The following MILR1 variants were observed in gnomAD, a reference collection of about 807,000 sequenced individuals.
The protein encoded by MILR1 is allergin-1.
A neutral mutation model predicts 18.5 loss-of-function variants in MILR1; 31 were observed. The ratio of observed to expected loss-of-function variants is 1.68; its 90% confidence interval spans 1.26 to 2.26. The LOEUF (loss-of-function observed/expected upper bound fraction) is 2.26. Ranked by LOEUF, MILR1 falls within the 30% of genes most tolerant of loss-of-function variation. The pLI is 0.00. For synonymous variants in MILR1, 85 were observed against 56.2 expected, an observed-to-expected ratio of 1.51 and a Z score of -2.30; for missense variants, 257 against 157.4, an observed-to-expected ratio of 1.63 and a Z score of -3.38.
At chr17:64,452,987 T>A (rs2037208643) in intron 3 of MILR1, 121 bp downstream of exon 3, 1 of 410,962 alleles carries the variant, frequency 2.4e-6, no homozygotes, top group Non-Finnish European at 4.4e-6. Context: ...TACTGCGAGC[T>A]TTATTCTTTT....
intron 2 of MILR1, among the ~76,000 whole-genome samples, chr17:64,449,778 AT>A (rs1219094244): frequency 5.3e-5 from 8 of 152,106 alleles, no homozygotes; most frequent in East Asian, 1.9e-4. Context: ...TCTTAAAAAA[AT>A]AAAACAAAAT....
At chr17:64,468,190 C>A in intron 9 of MILR1, 120 bp from the exon 10 acceptor site, 1 of 454,684 alleles carries the variant, frequency 2.2e-6, no homozygotes, top group Non-Finnish European at 4.4e-6. Flanking sequence ...GAGGACCCTC[C>A]TTGCCTCTTC....
chr17:64,491,542 T>A, the MILR1 span: 1 of 1,548,010 alleles, frequency 6.5e-7, no homozygotes, highest in Non-Finnish European at 8.9e-7. Context: ...GTTGTACCAG[T>A]GAAGGACAAG....
At chr17:64,497,057 C>CGGCGCA in the MILR1 span, 1 of 1,330,960 alleles carries the variant, frequency 7.5e-7, no homozygotes, top group Non-Finnish European at 1.1e-6. Flanking sequence ...GGAGAGGCCA[C>CGGCGCA]GGCGCAGGCG....
the MILR1 span, among the ~76,000 whole-genome samples, chr17:64,489,827 A>G: frequency 5.9e-5 from 9 of 152,292 alleles, no homozygotes; most frequent in African/African-American, 2.2e-4. Flanking sequence ...AGAATCATCA[A>G]TGGATGCTGC....
chr17:64,473,632 T>G (rs552748259), downstream of MILR1, among the ~76,000 whole-genome samples: 1 of 152,296 alleles, frequency 6.6e-6, no homozygotes, highest in African/African-American at 2.4e-5. Flanking sequence ...ACTCCAGACC[T>G]GTTTCCTTAG....
the MILR1 span, chr17:64,477,877 T>C: frequency 6.2e-7 from 1 of 1,613,120 alleles, no homozygotes; most frequent in Non-Finnish European, 8.5e-7. Context: ...TTAATTTGGA[T>C]ATATGCATCA....
chr17:64,497,030 T>C, the MILR1 span: 8 of 1,486,576 alleles, frequency 5.4e-6, no homozygotes, highest in Admixed American at 5.0e-5. Context: ...AAGCCACCAC[T>C]ACCGTTAACA....
At chr17:64,482,095 GC>G in the MILR1 span, among the ~76,000 whole-genome samples, 2 of 136,732 alleles carry the variant, frequency 1.5e-5, no homozygotes, top group Non-Finnish European at 3.1e-5. Context: ...TTTAATTAAA[GC>G]TTTTTTTTTT....
Position 64,460,712 on chromosome 17 carries a change from A to G in MILR1, c.653-110A>G, listed in dbSNP as rs2037412112. 7.0e-6 allele frequency: 3 copies of G among 431,528 alleles called. No individual in the cohort carries two copies. The Admixed American group carries it at 1.0e-4, about 15-fold the overall frequency. 26.7% of individuals were successfully genotyped at this position (431,528 alleles called of 1,614,324 possible). A position where few individuals can be genotyped will look rare whatever the true frequency, so the allele number is the denominator to read the frequency against. Reference sequence around the variant, plus strand: ...CATGACCATTTGGGAACCTGGGTGCATAGTACATTGGTTAACTTGGGAGAC... The same window carrying G: ...CATGACCATTTGGGAACCTGGGTGCGTAGTACATTGGTTAACTTGGGAGAC... On this transcript the variant is annotated intron_variant, in intron 4 of 9. Transcript: ENST00000619286.
chr17:64,481,476 G>C, the MILR1 span: 1 of 877,866 alleles, frequency 1.1e-6, no homozygotes, highest in African/African-American at 1.8e-5. Context: ...ATCCCCCATG[G>C]CCTTTCTTAA....
intron 5 of MILR1, among the ~76,000 whole-genome samples, chr17:64,463,520 T>A (rs1270120348): frequency 2.0e-5 from 3 of 152,152 alleles, no homozygotes; most frequent in African/African-American, 7.2e-5. Context: ...AGTTGTGGAA[T>A]GGGCCATGGA....
the MILR1 span, chr17:64,493,132 T>A: frequency 1.4e-5 from 17 of 1,239,082 alleles, no homozygotes; most frequent in Middle Eastern, 2.0e-4. Flanking sequence ...TAAAGACAGA[T>A]GTTGGCTAAG....
downstream of MILR1, among the ~76,000 whole-genome samples, chr17:64,471,801 A>G (rs1555664644): frequency 1.3e-5 from 2 of 152,258 alleles, no homozygotes; most frequent in Non-Finnish European, 2.9e-5. Flanking sequence ...ACATATTTGT[A>G]TGTGATTGAA....
At chr17:64,452,466 T>C in intron 2 of MILR1, 131 bp from the exon 3 acceptor site, 1 of 399,730 alleles carries the variant, frequency 2.5e-6, no homozygotes, top group Non-Finnish European at 4.5e-6. Flanking sequence ...TTGCCCAGAC[T>C]GGTATCAAAC....
the MILR1 span, among the ~76,000 whole-genome samples, chr17:64,495,609 CA>C: frequency 2.0e-5 from 3 of 152,162 alleles, no homozygotes; most frequent in Non-Finnish European, 2.9e-5. Context: ...TTTAATTTAC[CA>C]ATCCATATTT....
intron 9 of MILR1, 52 bp downstream of exon 9, chr17:64,467,697 G>A (rs2037606205): frequency 8.9e-7 from 1 of 1,129,858 alleles, no homozygotes; most frequent in Non-Finnish European, 1.3e-6. Flanking sequence ...CAAACTTGAG[G>A]CTGAGGCAGG....
At chr17:64,468,752 C>A, downstream of MILR1, 1 of 453,906 alleles carries the variant, frequency 2.2e-6, no homozygotes, top group Non-Finnish European at 2.9e-6. Flanking sequence ...ATGTCAGCCA[C>A]ATGGGCACTT....
At chr17:64,496,780 T>C in the MILR1 span, 1 of 1,613,612 alleles carries the variant, frequency 6.2e-7, no homozygotes, top group Non-Finnish European at 8.5e-7. Flanking sequence ...CGCTTCCCTC[T>C]CCAGACCCGG....
Sources: allele counts gnomAD v4.1 joint callset (sites outside exome capture counted in the v4.1 genomes callset), GRCh38; gene constraint gnomAD v4.1.1; transcripts MANE v1.5; gene names NCBI Gene and HGNC (gene_info 2026-07-23, HGNC 2026-07-21).